DENND1A: variants seen among roughly 807,000 people sequenced by gnomAD.
The protein encoded by DENND1A is DENN domain containing 1A, also known as DENN domain-containing protein 1A.
A neutral mutation model predicts 113.7 loss-of-function variants in DENND1A; 51 were observed. The ratio of observed to expected loss-of-function variants is 0.45; its 90% CI spans 0.36 to 0.57. The LOEUF (loss-of-function observed/expected upper bound fraction) is 0.57, where lower values mean the gene tolerates loss of function less well. Ranked by LOEUF, DENND1A falls within the 20% of genes least tolerant of loss-of-function variation. The pLI is 0.00. For missense variants in DENND1A, 1,258 were observed against 1,395.9 expected, an observed-to-expected ratio of 0.90 and a Z score of 1.57; for synonymous variants, 565 against 570.8, an observed-to-expected ratio of 0.99 and a Z score of 0.14.
At chr9:123,835,500 C>G (rs1434900526) in intron 2 of DENND1A, among the ~76,000 whole-genome samples, 1 of 151,970 alleles carries the variant, frequency 6.6e-6, no homozygotes, top group Non-Finnish European at 1.5e-5. Flanking sequence ...CATCACAGCC[C>G]TCACCACTGC....
chr9:123,423,422 T>A (rs1171765030), intron 19 of DENND1A, among the ~76,000 whole-genome samples: 2 of 152,184 alleles, frequency 1.3e-5, no homozygotes, highest in African/African-American at 4.8e-5. Flanking sequence ...TTAAGACATC[T>A]GCAGGAACAC....
chr9:123,526,255 G>A (rs1460432947), intron 13 of DENND1A, among the ~76,000 whole-genome samples: 1 of 152,034 alleles, frequency 6.6e-6, no homozygotes, highest in Non-Finnish European at 1.5e-5. Flanking sequence ...TCCTTTCCCT[G>A]GATCTGGTCT....
intron 13 of DENND1A, among the ~76,000 whole-genome samples, chr9:123,539,507 A>G (rs985128679): frequency 6.6e-6 from 1 of 152,186 alleles, no homozygotes; most frequent in Non-Finnish European, 1.5e-5. Context: ...AAATCAAGAT[A>G]GTGGCATGAA....
At chr9:123,920,582 C>T (rs985259980) in intron 1 of DENND1A, among the ~76,000 whole-genome samples, 2 of 152,202 alleles carry the variant, frequency 1.3e-5, no homozygotes, top group East Asian at 3.9e-4. Flanking sequence ...TACTTCAAGA[C>T]AGGGTCTTGC....
chr9:123,552,628 G>T (rs537194105), intron 13 of DENND1A, among the ~76,000 whole-genome samples: 1 of 152,244 alleles, frequency 6.6e-6, no homozygotes, highest in Non-Finnish European at 1.5e-5. Flanking sequence ...GTGAGCCAGA[G>T]GGCTGGTAGC....
chr9:123,445,157 A>G (rs1221171648), intron 18 of DENND1A, among the ~76,000 whole-genome samples: 2 of 152,244 alleles, frequency 1.3e-5, no homozygotes, highest in African/African-American at 2.4e-5. Flanking sequence ...AAGTCTCTGG[A>G]CATGAGTCTC....
chr9:123,671,734 C>G (rs964949878), intron 6 of DENND1A, among the ~76,000 whole-genome samples: 4 of 152,100 alleles, frequency 2.6e-5, no homozygotes, highest in African/African-American at 9.7e-5. Flanking sequence ...GGAGAAATAA[C>G]GATGACACTA....
chr9:123,387,652 CCAGCCCCCCGCTTTCGCCATG>C, intron 22 of DENND1A, 57 bp downstream of exon 22: 1 of 1,266,728 alleles, frequency 7.9e-7, no homozygotes, highest in Non-Finnish European at 1.0e-6. Flanking sequence ...GCAAGCAGCA[CCAGCCCCCCGCTTTCGCCATG>C]CAGCCCCGCA....
At chr9:123,418,303 G>A (rs527771824) in intron 19 of DENND1A, among the ~76,000 whole-genome samples, 6 of 152,312 alleles carry the variant, frequency 3.9e-5, no homozygotes, top group Non-Finnish European at 7.4e-5. Context: ...CTGAGAAGAG[G>A]GGACCTCTTT....
rs1305919574 is a variant in DENND1A, at chr9:123,381,366, GCCTCGGAACCGCAGCAGTGGACGGAC to G, written c.*40_*65del. 49 of 1,423,926 alleles carry G rather than the reference GCCTCGGAACCGCAGCAGTGGACGGAC, an allele frequency of 3.4e-5. No individual in the cohort carries two copies. Among genetic ancestry groups the G allele is most frequent in the Middle Eastern group, 3.8e-4 (2 of 5,228 alleles). The allele number at this position is 1,423,926 out of a possible 1,614,324, so 88.2% of individuals were successfully genotyped here. ...TGGGCAGAGAGAGAGTGGCGGGGGA[GCCTCGGAACCGCAGCAGTGGACGGAC>G]CCTCGGGCCTCGGTGCATCCCCCAC... On this transcript the variant is annotated 3_prime_UTR_variant, in exon 24 of 24. Transcript: ENST00000394215. The surrounding 1 kb of genome is among the most constrained non-coding windows in gnomAD (Gnocchi z 4.7).
chr9:123,644,705 T>C (rs2062218590), intron 9 of DENND1A, among the ~76,000 whole-genome samples: 2 of 152,186 alleles, frequency 1.3e-5, no homozygotes, highest in South Asian at 2.1e-4. Context: ...TGTTTCTCCC[T>C]TTCCAGAAGC....
intron 13 of DENND1A, among the ~76,000 whole-genome samples, 198 bp from the exon 14 acceptor site, chr9:123,458,095 A>T (rs2048276001): frequency 6.7e-6 from 1 of 149,120 alleles, no homozygotes; most frequent in Admixed American, 6.7e-5. Flanking sequence ...CTGCCTCCCG[A>T]GTTCAAGCGA....
At chr9:123,453,244 G>A (rs2047868765) in intron 16 of DENND1A, among the ~76,000 whole-genome samples, 2 of 152,198 alleles carry the variant, frequency 1.3e-5, no homozygotes, top group African/African-American at 2.4e-5. Flanking sequence ...GTGTGATGAC[G>A]GCTGTAATGG....
At chr9:123,605,658 C>T (rs955061084) in intron 11 of DENND1A, among the ~76,000 whole-genome samples, 6 of 152,130 alleles carry the variant, frequency 3.9e-5, no homozygotes, top group Non-Finnish European at 5.9e-5. Flanking sequence ...GGGAGGAAGG[C>T]GGACTCTGTA....
At chr9:123,652,542 G>A (rs1245625164) in intron 8 of DENND1A, among the ~76,000 whole-genome samples, 6 of 152,162 alleles carry the variant, frequency 3.9e-5, no homozygotes, top group South Asian at 2.1e-4. Context: ...GAACCTTCCC[G>A]ATGTGCTGTG....
Position 123,667,053 on chromosome 9 carries a change from G to A in DENND1A, c.480C>T (p.Thr160=), listed in dbSNP as rs1408840584. The change falls in exon 8 of 24, where the codon ACC becomes ACT. Residue 160 remains threonine, a synonymous_variant. Coordinates refer to ENST00000394215, the MANE Select transcript of DENND1A (RefSeq NM_001352964.2). ...SVHSYFTVPD[T]RELPSIPENR... is the part of the protein sequence containing the mutation. ...TCTCAGGTATGCTGGGAAGTTCTCT[G>A]GTATCAGGCACAGTAAAATAAGAAT... is the stretch of plus-strand genomic sequence containing the variant. 1 of 1,597,178 alleles carries A rather than the reference G, an allele frequency of 6.3e-7. No individual in the cohort carries two copies. The highest frequency in any genetic ancestry group is 1.1e-5 in the South Asian group (1 of 87,012).
At chr9:123,916,184 T>C (rs1477128274) in intron 1 of DENND1A, among the ~76,000 whole-genome samples, 1 of 152,026 alleles carries the variant, frequency 6.6e-6, no homozygotes, top group Non-Finnish European at 1.5e-5. Context: ...ATCCATCCAA[T>C]AGAGTACTAT....
At chr9:123,703,599 A>C (rs1278500269) in intron 5 of DENND1A, among the ~76,000 whole-genome samples, 1 of 152,210 alleles carries the variant, frequency 6.6e-6, no homozygotes, top group Non-Finnish European at 1.5e-5. Context: ...CCTAGAAAAC[A>C]ATGAAAATGG....
At chr9:123,854,305 A>G (rs1843813918) in intron 2 of DENND1A, among the ~76,000 whole-genome samples, 1 of 152,250 alleles carries the variant, frequency 6.6e-6, no homozygotes, top group East Asian at 1.9e-4. Context: ...ACATTTGTAA[A>G]GAACGTCTAC....
Sources: gnomAD v4.1 joint callset for allele counts (sites outside exome capture counted in the v4.1 genomes callset) on GRCh38, gnomAD v4.1.1 for gene constraint, Gnocchi (gnomAD v3.1) non-coding constraint, MANE v1.5 for transcripts, NCBI Gene and HGNC (gene_info 2026-07-23, HGNC 2026-07-21) for gene names.